The following SNTG1 variants were observed in gnomAD, a reference collection of about 807,000 sequenced individuals.
SNTG1 encodes the protein syntrophin gamma 1.
SNTG1 carries 39 observed loss-of-function variants against 74.7 expected under a neutral mutation model. That is an observed-to-expected ratio of 0.52 (90% CI 0.40 to 0.68). The LOEUF (loss-of-function observed/expected upper bound fraction) is 0.68. Ranked by LOEUF, SNTG1 falls within the 30% of genes least tolerant of loss-of-function variation. SNTG1 has a pLI of 0.00. For synonymous variants in SNTG1, 254 were observed against 217.1 expected (o/e 1.17, Z -1.49); for missense variants, 685 against 609.5 (o/e 1.12, Z -1.30).
intron 17 of SNTG1, among the ~76,000 whole-genome samples, chr8:50,737,405 A>G (rs535614638): frequency 2.6e-5 from 4 of 152,124 alleles, no homozygotes; most frequent in Non-Finnish European, 4.4e-5. Flanking sequence ...TCTGAAATTG[A>G]GGTAGTAATT....
chr8:50,055,811 A>G (rs2130905688), intron 1 of SNTG1, among the ~76,000 whole-genome samples: 1 of 152,246 alleles, frequency 6.6e-6, no homozygotes, highest in Non-Finnish European at 1.5e-5. Flanking sequence ...CATTACTTCT[A>G]AGCAAGAGTT....
intron 1 of SNTG1, among the ~76,000 whole-genome samples, chr8:49,939,405 C>A (rs1585585253): frequency 6.6e-6 from 1 of 152,308 alleles, no homozygotes; most frequent in Middle Eastern, 3.4e-3. Context: ...TCATTGACCA[C>A]TTAGTATACA....
intron 1 of SNTG1, among the ~76,000 whole-genome samples, chr8:50,137,830 T>A (rs1351487913): frequency 6.6e-6 from 1 of 152,120 alleles, no homozygotes; most frequent in Non-Finnish European, 1.5e-5. Context: ...TGGAGGCGAC[T>A]GTCCAGAGAT....
chr8:50,568,716 G>C (rs746626225), intron 12 of SNTG1, among the ~76,000 whole-genome samples: 1 of 151,828 alleles, frequency 6.6e-6, no homozygotes, highest in Non-Finnish European at 1.5e-5. Flanking sequence ...GAATATTCTG[G>C]GTATTAACTC....
chr8:49,913,912 G>A (rs527412804), intron 1 of SNTG1, among the ~76,000 whole-genome samples: 1 of 152,252 alleles, frequency 6.6e-6, no homozygotes, highest in South Asian at 2.1e-4. Flanking sequence ...CCCTCCTCAG[G>A]GGCAGAGGGG....
chr8:50,577,460 T>G (rs545496544), intron 12 of SNTG1, among the ~76,000 whole-genome samples: 2 of 151,074 alleles, frequency 1.3e-5, no homozygotes, highest in African/African-American at 4.9e-5. Context: ...TTTTTTTTTT[T>G]GTTTTTTTTT....
chr8:50,063,635 T>C (rs1441413425), intron 1 of SNTG1, among the ~76,000 whole-genome samples: 2 of 152,236 alleles, frequency 1.3e-5, no homozygotes, highest in Non-Finnish European at 2.9e-5. Flanking sequence ...ATGCATTCTT[T>C]GTAAATAGAA....
At chr8:50,460,674 T>A (rs2131678286) in intron 8 of SNTG1, among the ~76,000 whole-genome samples, 2 of 152,274 alleles carry the variant, frequency 1.3e-5, no homozygotes, top group East Asian at 3.9e-4. Context: ...TAGTGAAAGG[T>A]AGGGGTCCAG....
chr8:49,991,358 G>A (rs2130312332), intron 1 of SNTG1, among the ~76,000 whole-genome samples: 1 of 152,266 alleles, frequency 6.6e-6, no homozygotes, highest in South Asian at 2.1e-4. Flanking sequence ...GTAAAATGGT[G>A]CAGCCATCTG....
intron 17 of SNTG1, among the ~76,000 whole-genome samples, chr8:50,740,691 T>C (rs1204579369): frequency 6.6e-6 from 1 of 152,192 alleles, no homozygotes; most frequent in South Asian, 2.1e-4. Context: ...GATGCACAAG[T>C]ATGTTCACTG....
chr8:50,357,128 C>T (rs1380830283), intron 2 of SNTG1, among the ~76,000 whole-genome samples: 1 of 152,204 alleles, frequency 6.6e-6, no homozygotes. Context: ...GCTTCACCTC[C>T]CTCCTGCTCA....
At chr8:49,911,168 G>C (rs1317812477), upstream of SNTG1, 2 of 152,124 alleles carry the variant, frequency 1.3e-5, no homozygotes, top group Non-Finnish European at 2.9e-5. Flanking sequence ...GTTTAATTTA[G>C]GAATTTCAAA....
At position 50,337,671 on chromosome 8, in the gene SNTG1, T is replaced by A. The variant is rs563517070; in HGVS notation, c.-27-56541T>A. Among the ~76,000 whole-genome samples the A allele has an allele frequency of 3.9e-5, 6 of 152,248 alleles. No homozygotes were observed. The East Asian group carries it at 1.2e-3, about 29-fold the overall frequency. ...GGGAGATGAAAGAAAAGCTGAGATG[T>A]ATTTGTTAGGGTCGCAACCCATGGG... On this transcript the variant is annotated intron_variant, in intron 2 of 18. Coordinates refer to ENST00000642720, the MANE Select transcript of SNTG1 (RefSeq NM_018967.5).
intron 2 of SNTG1, among the ~76,000 whole-genome samples, chr8:50,252,890 A>C (rs2086703701): frequency 6.6e-6 from 1 of 152,210 alleles, no homozygotes; most frequent in African/African-American, 2.4e-5. Context: ...GACATTTCTC[A>C]ATAGAAGAAA....
chr8:50,116,312 T>A (rs1396403721), intron 1 of SNTG1, among the ~76,000 whole-genome samples: 1 of 151,930 alleles, frequency 6.6e-6, no homozygotes, highest in African/African-American at 2.4e-5. Context: ...TTACAATGAT[T>A]CTGTGAAGTA....
At chr8:50,746,885 A>G (rs2095556318) in intron 17 of SNTG1, among the ~76,000 whole-genome samples, 1 of 148,006 alleles carries the variant, frequency 6.8e-6, no homozygotes. Flanking sequence ...TATTATATAT[A>G]TACACATATG....
chr8:49,932,231 G>A lies in SNTG1; in HGVS notation c.-103+20000G>A, dbSNP rs1432859163. Among the ~76,000 whole-genome samples, 9 of 152,058 alleles carry A rather than the reference G, an allele frequency of 5.9e-5. No homozygotes were observed. In the East Asian group the frequency reaches 1.5e-3, roughly 26 times the overall value. On this transcript the variant is annotated intron_variant, in intron 1 of 18. Transcript: ENST00000642720. ...TTCCTATTACAGCTTCTAAAACATA[G>A]TAAGTGCTCAAACACATTTGTTGAG...
At chr8:50,414,588 G>A (rs920015305) in intron 4 of SNTG1, among the ~76,000 whole-genome samples, 1 of 151,932 alleles carries the variant, frequency 6.6e-6, no homozygotes, top group African/African-American at 2.4e-5. Flanking sequence ...CCTGACAACC[G>A]AGACATTTTT....
intron 2 of SNTG1, among the ~76,000 whole-genome samples, chr8:50,315,164 G>A (rs1397637451): frequency 6.7e-6 from 1 of 149,652 alleles, no homozygotes. Context: ...TGCAAGATAA[G>A]GGATAGAGCT....
Sources: gnomAD v4.1 joint callset for allele counts (sites outside exome capture counted in the v4.1 genomes callset) on GRCh38, gnomAD v4.1.1 for gene constraint, MANE v1.5 for transcripts, NCBI Gene and HGNC (gene_info 2026-07-23, HGNC 2026-07-21) for gene names.